The following RASL12 variants were observed in gnomAD, a reference collection of about 807,000 sequenced individuals.
RASL12 encodes the protein ras-like protein family member 12.
In RASL12, 16 loss-of-function variants were observed where a neutral mutation model predicts 22.9. That is an observed-to-expected ratio of 0.70 (90% confidence interval 0.47 to 1.06). RASL12 has a LOEUF of 1.06. Ranked by LOEUF, RASL12 falls within the 50% of genes least tolerant of loss-of-function variation. RASL12 has a pLI of 0.00. For synonymous variants in RASL12, 159 were observed against 152.2 expected, an observed-to-expected ratio of 1.04 and a Z score of -0.33; for missense variants, 306 against 353.1, an observed-to-expected ratio of 0.87 and a Z score of 1.07.
At chr15:65,068,610 A>C (rs1291328899), upstream of RASL12, among the ~76,000 whole-genome samples, 1 of 152,160 alleles carries the variant, frequency 6.6e-6, no homozygotes, top group Non-Finnish European at 1.5e-5. The surrounding 1 kb of genome is among the most constrained non-coding windows in gnomAD (Gnocchi z 4.2). Flanking sequence ...AATGGGAGCT[A>C]ATGAGTTGCA....
At chr15:65,060,085 G>T (rs2086783993) in intron 2 of RASL12, among the ~76,000 whole-genome samples, 1 of 152,202 alleles carries the variant, frequency 6.6e-6, no homozygotes, top group African/African-American at 2.4e-5. Flanking sequence ...TGGGAACACT[G>T]TGATAACATT....
At chr15:65,050,007 G>C, downstream of RASL12, 1 of 1,551,036 alleles carries the variant, frequency 6.4e-7, no homozygotes, top group South Asian at 1.2e-5. Context: ...GCAGGGGCAT[G>C]GAGCACAGTG....
Position 65,058,617 on chromosome 15 carries a change from C to T in RASL12, c.235G>A (p.Asp79Asn), listed in dbSNP as rs142369509. The stretch of plus-strand genomic sequence containing the variant: ...TAGCGCTCGCAGTTCCTGGGGGTGT[C>T]CTGGGGTGAAGGTGAGAAGCCCCGC... ...HLRVMDTADL[D>N]TPRNCERYLN... The change falls in exon 4 of 5, where the codon GAC (aspartate) becomes AAC (asparagine). Residue 79 changes from aspartate to asparagine, a missense_variant and splice_region_variant. Transcript: ENST00000220062. 5.9e-4 allele frequency: 905 copies of T among 1,533,724 alleles called. No homozygotes were observed. Among genetic ancestry groups the T allele is most frequent in the Non-Finnish European group, 7.2e-4 (810 of 1,129,758 alleles).
downstream of RASL12, chr15:65,050,079 T>G (rs375150814): frequency 1.9e-6 from 3 of 1,551,590 alleles, no homozygotes; most frequent in Non-Finnish European, 2.6e-6. Flanking sequence ...AAGAGATGCT[T>G]TGGTTTTTTC....
At chr15:65,072,250 G>A (rs1008344451), upstream of RASL12, among the ~76,000 whole-genome samples, 1 of 152,192 alleles carries the variant, frequency 6.6e-6, no homozygotes, top group Non-Finnish European at 1.5e-5. Flanking sequence ...GGTCCCTGGG[G>A]CAGAGTCAGA....
At chr15:65,055,421 A>C in intron 4 of RASL12, 147 bp from the exon 5 acceptor site, 1 of 673,608 alleles carries the variant, frequency 1.5e-6, no homozygotes, top group Non-Finnish European at 2.5e-6. Flanking sequence ...TTATCAGTAC[A>C]GTGGGTTACT....
Position 65,054,015 on chromosome 15 carries a change from G to A in RASL12, c.*884C>T, listed in dbSNP as rs2086694014. ...AAACCAGATGACAAACGGGTATACTGTGTTTCTACCTGCAGGGGGGCAGGC... is the reference window on the plus strand; with the variant it reads ...AAACCAGATGACAAACGGGTATACTATGTTTCTACCTGCAGGGGGGCAGGC... On this transcript the variant is annotated 3_prime_UTR_variant, in exon 5 of 5. Coordinates refer to ENST00000220062, the MANE Select transcript of RASL12 (RefSeq NM_016563.4). 1.0e-6 allele frequency: 1 copy of A among 985,796 alleles called. No individual in the cohort carries two copies. The highest frequency in any genetic ancestry group is 1.2e-6 in the Non-Finnish European group (1 of 829,984). 61.1% of individuals were successfully genotyped at this position (985,796 alleles called of 1,614,324 possible).
chr15:65,068,131 G>T, upstream of RASL12: 1 of 1,021,942 alleles, frequency 9.8e-7, no homozygotes, highest in Non-Finnish European at 1.2e-6. The surrounding 1 kb of genome is among the most constrained non-coding windows in gnomAD (Gnocchi z 4.2). Flanking sequence ...AGCTCCTGCC[G>T]GCCGCGCCCC....
At position 65,054,383 on chromosome 15, in the gene RASL12, T is replaced by C. The variant is rs1018338612; in HGVS notation, c.*516A>G. Reference sequence around the variant, plus strand: ...TGTGGGGTTTGTAGCCTGGGCCTTCTGTGAAGTCAGCAGATGACAGGAGGG... The same window carrying C: ...TGTGGGGTTTGTAGCCTGGGCCTTCCGTGAAGTCAGCAGATGACAGGAGGG... On this transcript the variant is annotated 3_prime_UTR_variant, in exon 5 of 5. Coordinates refer to ENST00000220062, the MANE Select transcript of RASL12 (RefSeq NM_016563.4). The C allele has an allele frequency of 1.0e-6, 1 of 987,240 alleles. No individual in the cohort carries two copies. The highest frequency in any genetic ancestry group is 1.2e-6 in the Non-Finnish European group (1 of 831,198). The allele number at this position is 987,240 out of a possible 1,614,324, so 61.2% of individuals were successfully genotyped here. A position where few individuals can be genotyped will look rare whatever the true frequency, so the allele number is the denominator to read the frequency against.
At chr15:65,069,293 A>G (rs2086914986), upstream of RASL12, among the ~76,000 whole-genome samples, 1 of 152,218 alleles carries the variant, frequency 6.6e-6, no homozygotes, top group Non-Finnish European at 1.5e-5. Context: ...ATTTGTTTAG[A>G]TTACACTCTC....
downstream of RASL12, chr15:65,049,997 G>A: frequency 1.9e-6 from 3 of 1,549,488 alleles, no homozygotes; most frequent in Non-Finnish European, 2.6e-6. Context: ...GCTACCAGGA[G>A]CAGGGGCATG....
At chr15:65,048,137 C>T in the RASL12 span, among the ~76,000 whole-genome samples, 6 of 151,094 alleles carry the variant, frequency 4.0e-5, no homozygotes, top group African/African-American at 1.5e-4. Context: ...GCTGAGATCA[C>T]GTCACTGCAC....
chr15:65,050,100 T>C (rs768257916), downstream of RASL12: 21 of 1,550,944 alleles, frequency 1.4e-5, no homozygotes, highest in Admixed American at 2.0e-4. Context: ...GTGTGGAAGA[T>C]GGTAAGTGGT....
At chr15:65,049,794 G>A, downstream of RASL12, 2 of 425,926 alleles carry the variant, frequency 4.7e-6, no homozygotes, top group Non-Finnish European at 8.4e-6. Context: ...CGTTCGGGTC[G>A]TTTTTGTCCC....
intron 1 of RASL12, among the ~76,000 whole-genome samples, chr15:65,073,404 T>C (rs1172310067): frequency 1.3e-5 from 2 of 152,066 alleles, no homozygotes; most frequent in East Asian, 3.8e-4. Context: ...CATCAGGCAT[T>C]AGATTGTCAT....
At chr15:65,073,185 AG>A (rs560921838) in intron 1 of RASL12, among the ~76,000 whole-genome samples, 206 of 152,358 alleles carry the variant, frequency 1.4e-3, no homozygotes, top group South Asian at 3.7e-3. Flanking sequence ...GTTTTGTAAA[AG>A]ACAGTTTTTC....
chr15:65,052,596 C>A (rs1385072064), downstream of RASL12, among the ~76,000 whole-genome samples: 8 of 151,944 alleles, frequency 5.3e-5, no homozygotes. Flanking sequence ...GGGGTTTTGC[C>A]ATGTTGGCCA....
downstream of RASL12, chr15:65,053,286 C>CTTT (rs368374478): frequency 1.2e-4 from 131 of 1,068,282 alleles, no homozygotes; most frequent in Non-Finnish European, 1.6e-4. Flanking sequence ...TTCTTTCTTT[C>CTTT]TTTTTTTTTT....
At chr15:65,066,020 A>AAAGAGAAGAG (rs535388864) in intron 1 of RASL12, among the ~76,000 whole-genome samples, 1 of 97,118 alleles carries the variant, frequency 1.0e-5, no homozygotes, top group Non-Finnish European at 2.6e-5. Flanking sequence ...AAAGAAAAGA[A>AAAGAGAAGAG]AAGAGAAGAG....
Sources: allele counts gnomAD v4.1 joint callset (sites outside exome capture counted in the v4.1 genomes callset), GRCh38; gene constraint gnomAD v4.1.1; non-coding constraint Gnocchi (gnomAD v3.1); transcripts MANE v1.5; gene names NCBI Gene and HGNC (gene_info 2026-07-23, HGNC 2026-07-21).